The following CLDN16 variants were observed in gnomAD, a reference collection of about 807,000 sequenced individuals.
The protein encoded by CLDN16 is claudin-16.
In CLDN16, 13 loss-of-function variants were observed where a neutral mutation model predicts 24.6. That is an observed-to-expected ratio of 0.53 (90% confidence interval 0.34 to 0.84). The LOEUF (loss-of-function observed/expected upper bound fraction) is 0.84, where lower values mean the gene tolerates loss of function less well. CLDN16 is among the 40% of genes least tolerant of loss of function. The probability of loss-of-function intolerance (pLI) is 0.01; values close to 1 mark genes in which losing one functional copy is unlikely to be tolerated. For missense variants in CLDN16, 298 were observed against 292.7 expected, an observed-to-expected ratio of 1.02 and a Z score of -0.13; for synonymous variants, 116 against 106.7, an observed-to-expected ratio of 1.09 and a Z score of -0.54.
the CLDN16 span, among the ~76,000 whole-genome samples, chr3:190,295,670 T>C: frequency 2.6e-5 from 4 of 152,180 alleles, no homozygotes; most frequent in Non-Finnish European, 5.9e-5. Flanking sequence ...AGCTCCGTTG[T>C]TTTTATGAGT....
chr3:190,366,332 G>A (rs1718020953), intron 1 of CLDN16, among the ~76,000 whole-genome samples: 1 of 151,858 alleles, frequency 6.6e-6, no homozygotes, highest in Admixed American at 6.6e-5. Context: ...TTTTAACAAT[G>A]CCACTGACAC....
At chr3:190,346,439 A>C (rs1398710655) in intron 1 of CLDN16, among the ~76,000 whole-genome samples, 1 of 152,206 alleles carries the variant, frequency 6.6e-6, no homozygotes, top group Non-Finnish European at 1.5e-5. Flanking sequence ...GCGTTTTAAC[A>C]GTTTTGATCT....
At chr3:190,403,458 T>G (rs1719012210) in intron 2 of CLDN16, among the ~76,000 whole-genome samples, 1 of 152,250 alleles carries the variant, frequency 6.6e-6, no homozygotes, top group African/African-American at 2.4e-5. Flanking sequence ...CCATAGTGTT[T>G]ATTTGTTTAT....
Position 190,409,039 on chromosome 3 carries a change from G to T in CLDN16, c.574+534G>T, listed in dbSNP as rs575763962. ...AATATTGGACATAGTTGTAGTTGTG[G>T]ATTTTTTCAATTAATGTAACACTAA... On this transcript the variant is annotated intron_variant, in intron 4 of 4. Coordinates refer to ENST00000264734, the MANE Select transcript of CLDN16 (RefSeq NM_006580.4). Among the ~76,000 whole-genome samples the T allele has an allele frequency of 4.6e-5, 7 of 150,768 alleles. No homozygotes were observed. In the South Asian group the frequency reaches 1.5e-3, roughly 32 times the overall value.
At chr3:190,317,322 C>T in the CLDN16 span, among the ~76,000 whole-genome samples, 1 of 152,124 alleles carries the variant, frequency 6.6e-6, no homozygotes, top group South Asian at 2.1e-4. Context: ...ACACAGAAGG[C>T]AGTCTTTTAA....
At chr3:190,337,739 G>C (rs79710623) in intron 1 of CLDN16, among the ~76,000 whole-genome samples, 10,725 of 152,224 alleles carry the variant, frequency 0.07, 564 homozygotes, top group African/African-American at 0.14. Context: ...GGATGTGTTT[G>C]CCTTTTCTAC....
At chr3:190,343,159 G>A (rs996951589) in intron 1 of CLDN16, among the ~76,000 whole-genome samples, 7 of 152,098 alleles carry the variant, frequency 4.6e-5, no homozygotes, top group African/African-American at 1.2e-4. Flanking sequence ...ACTGAAATAC[G>A]TATTTCTCCA....
chr3:190,301,174 C>T, the CLDN16 span, among the ~76,000 whole-genome samples: 1 of 152,102 alleles, frequency 6.6e-6, no homozygotes, highest in African/African-American at 2.4e-5. Context: ...GACATCTCTA[C>T]TTGGATGCGC....
the CLDN16 span, among the ~76,000 whole-genome samples, chr3:190,312,563 T>C: frequency 6.6e-6 from 1 of 152,192 alleles, no homozygotes; most frequent in Non-Finnish European, 1.5e-5. Context: ...CCATAGGAAT[T>C]ATCTGAATTA....
chr3:190,336,130 T>C (rs370441200), intron 1 of CLDN16, among the ~76,000 whole-genome samples: 8 of 152,134 alleles, frequency 5.3e-5, no homozygotes, highest in Admixed American at 2.0e-4. Flanking sequence ...TGACTAATCA[T>C]TAATTTAAAA....
chr3:190,348,639 A>G (rs1247989713), intron 1 of CLDN16, among the ~76,000 whole-genome samples: 3 of 152,202 alleles, frequency 2.0e-5, no homozygotes, highest in African/African-American at 4.8e-5. Flanking sequence ...CTTTTATGAA[A>G]TTGTGTCAAT....
chr3:190,341,055 C>G (rs1577401648), intron 1 of CLDN16, among the ~76,000 whole-genome samples: 1 of 152,144 alleles, frequency 6.6e-6, no homozygotes, highest in South Asian at 2.1e-4. Flanking sequence ...GCTTTTCCTC[C>G]AGCTGCTTTC....
the CLDN16 span, among the ~76,000 whole-genome samples, chr3:190,297,618 T>G: frequency 1.4e-5 from 2 of 139,478 alleles, no homozygotes; most frequent in Non-Finnish European, 3.1e-5. Flanking sequence ...ATAATATCTA[T>G]AATATAATAT....
At position 190,404,881 on chromosome 3, in the gene CLDN16, A is replaced by G. The variant is rs376431300; in HGVS notation, c.337A>G (p.Lys113Glu). 5 of 1,614,120 alleles carry G rather than the reference A, an allele frequency of 3.1e-6. No individual in the cohort carries two copies. The African/African-American group carries it at 4.0e-5, about 13-fold the overall frequency. Residue 113 changes from lysine to glutamate, a missense_variant, in exon 3 of 5, where the codon AAA (lysine) becomes GAA (glutamate). Lys to Glu is a moderately conservative substitution (Grantham distance 56, BLOSUM62 1). Coordinates refer to ENST00000264734, the MANE Select transcript of CLDN16 (RefSeq NM_006580.4). ...VKFLPDEPYIKVRICFVAGAT... is the reference protein window; with the variant it reads ...VKFLPDEPYIEVRICFVAGAT... Reference sequence around the variant, plus strand: ...ATTCCTCCCTGATGAGCCGTACATTAAAGTCCGCATCTGCTTTGTTGCTGG... The same window carrying G: ...ATTCCTCCCTGATGAGCCGTACATTGAAGTCCGCATCTGCTTTGTTGCTGG...
At chr3:190,303,112 A>G in the CLDN16 span, among the ~76,000 whole-genome samples, 4 of 152,182 alleles carry the variant, frequency 2.6e-5, no homozygotes, top group African/African-American at 7.2e-5. Context: ...ATAAATACAT[A>G]TTGTGGTAAA....
chr3:190,363,554 G>GCATATATATATATATATATA (rs10663299), intron 1 of CLDN16, among the ~76,000 whole-genome samples: 3 of 81,356 alleles, frequency 3.7e-5, no homozygotes, highest in Admixed American at 1.6e-4. Context: ...GTGTGTGTGT[G>GCATATATATATATATATATA]TGTATATATA....
intron 1 of CLDN16, among the ~76,000 whole-genome samples, chr3:190,367,730 A>G (rs1332488313): frequency 1.3e-5 from 2 of 151,988 alleles, no homozygotes; most frequent in African/African-American, 2.4e-5. Flanking sequence ...TATTAGAATT[A>G]GTAGAATATG....
intron 1 of CLDN16, among the ~76,000 whole-genome samples, chr3:190,336,900 C>T (rs779688463): frequency 1.3e-5 from 2 of 152,242 alleles, no homozygotes; most frequent in African/African-American, 2.4e-5. Flanking sequence ...CAGAATGGAT[C>T]ACCCTTAAAA....
the CLDN16 span, among the ~76,000 whole-genome samples, chr3:190,297,555 A>G: frequency 7.2e-6 from 1 of 139,752 alleles, no homozygotes; most frequent in African/African-American, 2.6e-5. Context: ...AATAATATAG[A>G]TATATAATAT....
Sources: allele counts gnomAD v4.1 joint callset (sites outside exome capture counted in the v4.1 genomes callset), GRCh38; gene constraint gnomAD v4.1.1; transcripts MANE v1.5; gene names NCBI Gene and HGNC (gene_info 2026-07-23, HGNC 2026-07-21).